Variants in TPTE2 observed in about 807,000 individuals in gnomAD.
The protein encoded by TPTE2 is transmembrane phosphoinositide 3-phosphatase and tensin homolog 2.
In TPTE2, 53 loss-of-function variants were observed where a neutral mutation model predicts 78.6. That is an observed-to-expected ratio of 0.67 (90% CI 0.54 to 0.85). The LOEUF is 0.85. Among genes scored for constraint, TPTE2 ranks in the 40% least tolerant of loss-of-function variants. The probability of loss-of-function intolerance (pLI) is 0.00; values close to 1 mark genes in which losing one functional copy is unlikely to be tolerated. For synonymous variants in TPTE2, 175 were observed against 206.2 expected (o/e 0.85, Z 1.30); for missense variants, 461 against 623.0 (o/e 0.74, Z 2.77).
Position 19,532,378 on chromosome 13 carries a change from G to A in TPTE2, c.-44+4218C>T, listed in dbSNP as rs569151160. Among the ~76,000 whole-genome samples the A allele has an allele frequency of 2.6e-5, 4 of 152,212 alleles. No homozygotes were observed. The East Asian group carries it at 7.7e-4, about 29-fold the overall frequency. ...CCCTTATAAAAGGGCTTGAAAGAGGGAGTTCATCCCTCTTTTTCTTCTGCC... is the reference window on the plus strand; with the variant it reads ...CCCTTATAAAAGGGCTTGAAAGAGGAAGTTCATCCCTCTTTTTCTTCTGCC... On this transcript the variant is annotated intron_variant, in intron 1 of 17. Coordinates refer to the TPTE2 transcript ENST00000390680.
At chr13:19,455,556 T>C (rs973914269) in intron 10 of TPTE2, among the ~76,000 whole-genome samples, 3 of 121,990 alleles carry the variant, frequency 2.5e-5, no homozygotes, top group Admixed American at 9.4e-5. Flanking sequence ...ATAAGTTGAG[T>C]AGATAGGAGT....
intron 14 of TPTE2, among the ~76,000 whole-genome samples, chr13:19,437,663 T>C (rs1185657416): frequency 5.9e-5 from 9 of 152,110 alleles, no homozygotes; most frequent in Admixed American, 2.0e-4. Context: ...GAGGGAAGCA[T>C]GTTGATTACT....
intron 13 of TPTE2, among the ~76,000 whole-genome samples, chr13:19,443,683 G>A (rs1405992520): frequency 3.3e-5 from 5 of 151,506 alleles, no homozygotes; most frequent in Admixed American, 6.6e-5. Flanking sequence ...GGGATTACAG[G>A]TGTAAGCCAT....
chr13:19,549,119 C>CAA, the TPTE2 span, among the ~76,000 whole-genome samples: 88 of 133,310 alleles, frequency 6.6e-4, no homozygotes, highest in East Asian at 4.0e-3. Context: ...AACTCTGTCT[C>CAA]AAAAAAAAAA....
intron 1 of TPTE2, 137 bp downstream of exon 4, chr13:19,503,087 G>T: frequency 1.6e-6 from 2 of 1,225,550 alleles, no homozygotes; most frequent in Non-Finnish European, 2.3e-6. Context: ...TGGGTTAGTG[G>T]ATGTGTTTGG....
the TPTE2 span, among the ~76,000 whole-genome samples, chr13:19,550,984 T>C: frequency 6.6e-6 from 1 of 152,106 alleles, no homozygotes; most frequent in African/African-American, 2.4e-5. Context: ...ATCAAGTTTT[T>C]AACCATGAGG....
the TPTE2 span, chr13:19,561,133 A>G: frequency 6.2e-6 from 10 of 1,603,886 alleles, no homozygotes; most frequent in Non-Finnish European, 8.5e-6. Context: ...AGTGGGTGGG[A>G]GCTGGACCAG....
chr13:19,557,916 C>T, the TPTE2 span, among the ~76,000 whole-genome samples: 1 of 151,540 alleles, frequency 6.6e-6, no homozygotes, highest in Admixed American at 6.6e-5. Context: ...TAATTCAGGG[C>T]AAAAATACAC....
chr13:19,545,009 A>C, the TPTE2 span, among the ~76,000 whole-genome samples: 1 of 151,946 alleles, frequency 6.6e-6, no homozygotes, highest in Middle Eastern at 3.4e-3. Context: ...AACTGTGGCA[A>C]ACTGAATCCA....
the TPTE2 span, among the ~76,000 whole-genome samples, chr13:19,546,993 C>T: frequency 6.6e-6 from 1 of 151,786 alleles, no homozygotes; most frequent in African/African-American, 2.4e-5. Flanking sequence ...CCTAATAATG[C>T]CTAGAACAAT....
the TPTE2 span, chr13:19,560,028 C>T: frequency 3.7e-6 from 2 of 542,862 alleles, no homozygotes; most frequent in Non-Finnish European, 6.3e-6. Flanking sequence ...CCATCATGGC[C>T]TCGAGCATCT....
Position 19,515,624 on chromosome 13 carries a change from A to G in TPTE2, c.-43-12347T>C, listed in dbSNP as rs565637097. 3.9e-5 allele frequency among the ~76,000 whole-genome samples: 6 copies of G among 152,314 alleles called. No homozygotes were observed. In the South Asian group the frequency reaches 8.3e-4, roughly 21 times the overall value. On this transcript the variant is annotated intron_variant, in intron 1 of 17. Coordinates refer to the TPTE2 transcript ENST00000390680. Reference sequence around the variant, plus strand: ...CTGGAAATTCATCCAGGTCTCAGGAAAAACAATACCTTTTACAAGAAGAAA... The same window carrying G: ...CTGGAAATTCATCCAGGTCTCAGGAGAAACAATACCTTTTACAAGAAGAAA...
At chr13:19,520,480 A>ATTTT (rs568562888) in intron 1 of TPTE2, among the ~76,000 whole-genome samples, 188 of 151,906 alleles carry the variant, frequency 1.2e-3, no homozygotes, top group African/African-American at 4.4e-3. Flanking sequence ...TATTTACCAC[A>ATTTT]TTTTTGAGTT....
At chr13:19,441,123 G>A (rs1327398656) in intron 13 of TPTE2, among the ~76,000 whole-genome samples, 2 of 149,944 alleles carry the variant, frequency 1.3e-5, no homozygotes, top group East Asian at 1.9e-4. Context: ...GCAGCATCAC[G>A]GATGCAGCTG....
At chr13:19,560,929 A>G in the TPTE2 span, 595 of 1,596,222 alleles carry the variant, frequency 3.7e-4, 7 homozygotes, top group South Asian at 4.3e-3. Flanking sequence ...TGTACTCCAT[A>G]CTCCCCTGGA....
intron 2 of TPTE2, among the ~76,000 whole-genome samples, chr13:19,493,162 G>A (rs1163476586): frequency 5.0e-5 from 6 of 118,910 alleles, no homozygotes; most frequent in Admixed American, 1.0e-4. Context: ...ACAATGAGAC[G>A]AATTGGAAAC....
chr13:19,558,457 A>G, the TPTE2 span, among the ~76,000 whole-genome samples: 11 of 152,238 alleles, frequency 7.2e-5, no homozygotes, highest in African/African-American at 2.4e-4. Flanking sequence ...AATTTCAAAC[A>G]GAAGTCTTAA....
intron 17 of TPTE2, 138 bp downstream of exon 20, chr13:19,430,330 A>T: frequency 1.5e-6 from 1 of 681,192 alleles, no homozygotes; most frequent in South Asian, 1.9e-5. Context: ...ACCCAGTGAC[A>T]CCAAGTTGTA....
intron 4 of TPTE2, 140 bp from the exon 8 acceptor site, chr13:19,475,763 C>G (rs1261046735): frequency 1.5e-6 from 1 of 681,702 alleles, no homozygotes; most frequent in East Asian, 3.0e-5. Flanking sequence ...TTACTAATAG[C>G]TAAAATTTTA....
Sources: allele counts gnomAD v4.1 joint callset (sites outside exome capture counted in the v4.1 genomes callset), GRCh38; gene constraint gnomAD v4.1.1; transcripts MANE v1.5; gene names NCBI Gene and HGNC (gene_info 2026-07-23, HGNC 2026-07-21).